Variants in ADAMTSL1 observed in about 807,000 individuals in gnomAD.
ADAMTSL1 encodes ADAMTS like 1.
Under a neutral mutation model 201.8 loss-of-function variants are expected in ADAMTSL1, and 126 were observed. The ratio of observed to expected loss-of-function variants is 0.62; its 90% CI spans 0.54 to 0.72. ADAMTSL1 has a LOEUF of 0.72. Ranked by LOEUF, ADAMTSL1 falls within the 30% of genes least tolerant of loss-of-function variation. The probability of loss-of-function intolerance (pLI) is 0.00; values close to 1 mark genes in which losing one functional copy is unlikely to be tolerated. For missense variants in ADAMTSL1, 2,679 were observed against 2,277.8 expected (o/e 1.18, Z -3.59); for synonymous variants, 1,121 against 903.4 (o/e 1.24, Z -4.32).
At chr9:18,029,929 A>G (rs1306949255) in intron 1 of ADAMTSL1, among the ~76,000 whole-genome samples, 1 of 151,458 alleles carries the variant, frequency 6.6e-6, no homozygotes, top group Admixed American at 6.6e-5. Flanking sequence ...AGAAATAGGA[A>G]CACTTTTACA....
intron 7 of ADAMTSL1, among the ~76,000 whole-genome samples, chr9:18,642,933 G>C (rs539101636): frequency 6.6e-6 from 1 of 151,860 alleles, no homozygotes; most frequent in African/African-American, 2.4e-5. Context: ...CATTTCCTTC[G>C]AGTATATACC....
intron 2 of ADAMTSL1, among the ~76,000 whole-genome samples, chr9:18,521,659 A>T (rs187011267): frequency 8.9e-4 from 136 of 152,244 alleles, no homozygotes; most frequent in African/African-American, 2.1e-3. Context: ...ACAGTGCTGA[A>T]TTGCCTCCTC....
At chr9:18,907,038 G>A in intron 28 of ADAMTSL1, 126 bp downstream of exon 28, 1 of 1,084,038 alleles carries the variant, frequency 9.2e-7, no homozygotes, top group South Asian at 1.5e-5. Flanking sequence ...GTGAGCTGGT[G>A]GTGGAGTTGA....
chr9:18,888,282 G>A (rs527422768), intron 24 of ADAMTSL1, among the ~76,000 whole-genome samples: 43 of 152,236 alleles, frequency 2.8e-4, no homozygotes, highest in South Asian at 1.5e-3. Context: ...TCATAAATAG[G>A]CCCTTCTGCT....
Position 18,892,373 on chromosome 9 carries a change from T to A in ADAMTSL1, c.4644-16T>A, listed in dbSNP as rs1298822076. On this transcript the variant is annotated splice_polypyrimidine_tract_variant and intron_variant, in intron 25 of 28. Coordinates refer to ENST00000380548, the MANE Select transcript of ADAMTSL1 (RefSeq NM_001040272.6). ...TGTCCCTTTAGGGCTCTCCTGACAC[T>A]TCTTCCTCTCCCCAGGTGGATGGTG... The A allele has an allele frequency of 6.2e-7, 1 of 1,606,830 alleles. No individual in the cohort carries two copies. Among genetic ancestry groups the A allele is most frequent in the Admixed American group, 1.7e-5 (1 of 59,312 alleles).
intron 2 of ADAMTSL1, among the ~76,000 whole-genome samples, chr9:18,219,359 AT>A (rs1830171756): frequency 6.7e-6 from 1 of 149,286 alleles, no homozygotes; most frequent in East Asian, 2.0e-4. Flanking sequence ...TTATTTATTT[AT>A]TTATTTATTT....
chr9:18,318,182 C>T (rs1040894876), intron 2 of ADAMTSL1, among the ~76,000 whole-genome samples: 1 of 152,166 alleles, frequency 6.6e-6, no homozygotes, highest in African/African-American at 2.4e-5. Flanking sequence ...TGCTAATTTG[C>T]ATTGGTGAGT....
chr9:18,770,401 T>G (rs2133714378), intron 16 of ADAMTSL1, among the ~76,000 whole-genome samples: 1 of 152,302 alleles, frequency 6.6e-6, no homozygotes, highest in East Asian at 1.9e-4. Context: ...TACCTGGGAT[T>G]AAGAGTGGAG....
At chr9:18,436,902 G>A (rs78350140) in intron 2 of ADAMTSL1, among the ~76,000 whole-genome samples, 2,084 of 152,248 alleles carry the variant, frequency 0.014, 49 homozygotes, top group African/African-American at 0.048. Flanking sequence ...AAGGAAGGCA[G>A]GAGCAGTAGG....
chr9:18,604,729 G>C (rs1243344665), intron 4 of ADAMTSL1, among the ~76,000 whole-genome samples: 1 of 152,214 alleles, frequency 6.6e-6, no homozygotes, highest in Non-Finnish European at 1.5e-5. Flanking sequence ...AGGCACACAA[G>C]TGTATGTTCA....
chr9:18,365,047 T>C (rs9406744), intron 2 of ADAMTSL1, among the ~76,000 whole-genome samples: 65,259 of 151,614 alleles, frequency 0.43, 14,416 homozygotes, highest in Middle Eastern at 0.49. Context: ...GCCCATATCC[T>C]ATGACCCAGA....
intron 16 of ADAMTSL1, among the ~76,000 whole-genome samples, chr9:18,770,064 A>G (rs922729282): frequency 6.6e-6 from 1 of 152,186 alleles, no homozygotes; most frequent in Non-Finnish European, 1.5e-5. Flanking sequence ...AGAAATCATC[A>G]GTCCTGCAAG....
intron 2 of ADAMTSL1, among the ~76,000 whole-genome samples, chr9:18,206,281 G>T (rs749529676): frequency 2.0e-5 from 3 of 151,916 alleles, no homozygotes; most frequent in African/African-American, 7.3e-5. Flanking sequence ...TGAGGAATTT[G>T]CCAGGTACAC....
rs546462887 is a variant in ADAMTSL1, at chr9:18,121,402, C to T, written c.88-42460C>T. Among the ~76,000 whole-genome samples, 5 of 152,242 alleles carry T rather than the reference C, an allele frequency of 3.3e-5. No individual in the cohort carries two copies. The East Asian group carries it at 9.7e-4, about 29-fold the overall frequency. On this transcript the variant is annotated intron_variant, in intron 1 of 29. Transcript: ENST00000680146. ...TCTTGTTGGCACTGAGATTGAAATACCCACCCACAATTTCATTATAGGGTC... is the reference window on the plus strand; with the variant it reads ...TCTTGTTGGCACTGAGATTGAAATATCCACCCACAATTTCATTATAGGGTC...
chr9:18,513,977 G>C (rs2149876), intron 2 of ADAMTSL1, among the ~76,000 whole-genome samples: 93,425 of 152,012 alleles, frequency 0.61, 29,004 homozygotes, highest in East Asian at 0.8. Context: ...ATTCCAGATT[G>C]TTTTTTGTTT....
At chr9:18,420,563 C>A (rs954528) in intron 2 of ADAMTSL1, among the ~76,000 whole-genome samples, 1 of 152,148 alleles carries the variant, frequency 6.6e-6, no homozygotes, top group African/African-American at 2.4e-5. Flanking sequence ...TTGTGAGGAA[C>A]TAGGGTGGCA....
intron 2 of ADAMTSL1, among the ~76,000 whole-genome samples, chr9:18,297,834 A>C (rs1418213364): frequency 1.3e-5 from 2 of 152,176 alleles, no homozygotes; most frequent in African/African-American, 2.4e-5. Context: ...AAAATATTGT[A>C]CCTAGTATTT....
intron 4 of ADAMTSL1, among the ~76,000 whole-genome samples, chr9:18,594,365 C>G (rs1824120102): frequency 6.6e-6 from 1 of 152,140 alleles, no homozygotes; most frequent in Admixed American, 6.5e-5. Flanking sequence ...ATACTTATAA[C>G]TGTCTTCAGA....
intron 2 of ADAMTSL1, among the ~76,000 whole-genome samples, chr9:18,406,793 T>A (rs1357607937): frequency 6.6e-6 from 1 of 152,208 alleles, no homozygotes; most frequent in Non-Finnish European, 1.5e-5. Context: ...ACTGGAACCC[T>A]GGATACAGAA....
Sources: allele counts gnomAD v4.1 joint callset (sites outside exome capture counted in the v4.1 genomes callset), GRCh38; gene constraint gnomAD v4.1.1; transcripts MANE v1.5; gene names NCBI Gene and HGNC (gene_info 2026-07-23, HGNC 2026-07-21).